SEM1: variants seen among roughly 807,000 people sequenced by gnomAD.
SEM1 encodes 26S proteasome complex subunit SEM1.
SEM1 carries 3 observed loss-of-function variants against 12.7 expected under a neutral mutation model. The ratio of observed to expected loss-of-function variants is 0.24; its 90% confidence interval spans 0.11 to 0.61. SEM1 has a LOEUF of 0.61. Ranked by LOEUF, SEM1 falls within the 20% of genes least tolerant of loss-of-function variation. The probability of loss-of-function intolerance (pLI) is 0.88; values close to 1 mark genes in which losing one functional copy is unlikely to be tolerated. For synonymous variants in SEM1, 30 were observed against 27.8 expected, an observed-to-expected ratio of 1.08 and a Z score of -0.25; for missense variants, 59 against 81.3, an observed-to-expected ratio of 0.73 and a Z score of 1.06.
intron 2 of SEM1, among the ~76,000 whole-genome samples, chr7:96,565,207 A>C (rs1805808987): frequency 6.6e-6 from 1 of 151,922 alleles, no homozygotes. Flanking sequence ...TCAAAGATAA[A>C]TTTGGTTTTT....
At chr7:96,533,578 G>A (rs907368251) in intron 2 of SEM1, among the ~76,000 whole-genome samples, 17 of 152,008 alleles carry the variant, frequency 1.1e-4, no homozygotes, top group Non-Finnish European at 2.1e-4. Context: ...ATAAGCTTGT[G>A]AAGGTAGCAG....
chr7:96,558,333 A>C (rs1374316137), intron 2 of SEM1: 1 of 152,290 alleles, frequency 6.6e-6, no homozygotes, highest in Non-Finnish European at 1.5e-5. Context: ...AGTTGGGTAA[A>C]CCAATGGGTG....
chr7:96,514,407 G>A (rs745625525), intron 2 of SEM1, among the ~76,000 whole-genome samples: 1 of 151,984 alleles, frequency 6.6e-6, no homozygotes, highest in Non-Finnish European at 1.5e-5. Context: ...CATACTGGAA[G>A]TTCTAGATAA....
At chr7:96,500,257 A>C (rs1447701299), upstream of SEM1, among the ~76,000 whole-genome samples, 3 of 151,612 alleles carry the variant, frequency 2.0e-5, no homozygotes, top group Non-Finnish European at 4.4e-5. Flanking sequence ...TGGCCTGCTG[A>C]TCAGGCCTTA....
rs1802624717 is a variant in SEM1, at chr7:96,483,462, T to A, written c.*397A>T. 2.2e-5 allele frequency: 5 copies of A among 226,960 alleles called. No homozygotes were observed. The South Asian group carries it at 2.9e-4, about 13-fold the overall frequency. 14.1% of individuals were successfully genotyped at this position (226,960 alleles called of 1,614,324 possible). A position where few individuals can be genotyped will look rare whatever the true frequency, so the allele number is the denominator to read the frequency against. On this transcript the variant is annotated 3_prime_UTR_variant, in exon 4 of 4. Coordinates refer to the SEM1 transcript ENST00000356686. ...TTTGTTAGGATGGGTAAGGTTGTGCTGCAGTAGCAACAAACCATCAAACCT... is the reference window on the plus strand; with the variant it reads ...TTTGTTAGGATGGGTAAGGTTGTGCAGCAGTAGCAACAAACCATCAAACCT...
At chr7:96,594,297 C>A (rs1459233421) in intron 2 of SEM1, among the ~76,000 whole-genome samples, 1 of 151,986 alleles carries the variant, frequency 6.6e-6, no homozygotes, top group Middle Eastern at 3.2e-3. Flanking sequence ...TTTCCAAGAG[C>A]CATTTCTTCT....
chr7:96,492,229 C>T (rs1397381274), intron 1 of SEM1, among the ~76,000 whole-genome samples: 1 of 152,124 alleles, frequency 6.6e-6, no homozygotes, highest in Non-Finnish European at 1.5e-5. Flanking sequence ...CAATAACTCT[C>T]CATTCCCCTC....
At chr7:96,708,749 G>C (rs1252014890) in intron 1 of SEM1, among the ~76,000 whole-genome samples, 1 of 152,100 alleles carries the variant, frequency 6.6e-6, no homozygotes, top group African/African-American at 2.4e-5. Flanking sequence ...ACATCAGAAG[G>C]TTTCTTAACC....
At chr7:96,641,341 A>G (rs1390641347) in intron 2 of SEM1, among the ~76,000 whole-genome samples, 1 of 151,786 alleles carries the variant, frequency 6.6e-6, no homozygotes, top group Non-Finnish European at 1.5e-5. Context: ...ATTTTCTGAT[A>G]TAATTATTTT....
chr7:96,632,761 G>T (rs946103767), intron 2 of SEM1, among the ~76,000 whole-genome samples: 5 of 146,292 alleles, frequency 3.4e-5, no homozygotes, highest in Admixed American at 2.9e-4. Flanking sequence ...TCTTATGAAG[G>T]TGGTTTTTTT....
chr7:96,599,457 A>G (rs1807121608), intron 2 of SEM1, among the ~76,000 whole-genome samples: 1 of 152,228 alleles, frequency 6.6e-6, no homozygotes, highest in African/African-American at 2.4e-5. Context: ...CCATCTGCTT[A>G]TCGGCTACTT....
At chr7:96,546,140 A>G (rs933136661) in intron 2 of SEM1, among the ~76,000 whole-genome samples, 2 of 152,106 alleles carry the variant, frequency 1.3e-5, no homozygotes, top group African/African-American at 4.8e-5. Flanking sequence ...TGAATCTTGA[A>G]GCGATCAATG....
At chr7:96,557,843 G>A (rs556210719) in intron 2 of SEM1, among the ~76,000 whole-genome samples, 9 of 152,224 alleles carry the variant, frequency 5.9e-5, no homozygotes, top group South Asian at 2.1e-4. Flanking sequence ...AATCAGCCAG[G>A]CTCCGTGGGC....
At chr7:96,484,779 C>A (rs1023634322) in intron 3 of SEM1, 2 of 1,197,612 alleles carry the variant, frequency 1.7e-6, no homozygotes, top group African/African-American at 3.1e-5. Context: ...TCTCACCATA[C>A]AGAAAAGTTA....
upstream of SEM1, among the ~76,000 whole-genome samples, chr7:96,496,608 A>T (rs571710663): frequency 1.3e-5 from 2 of 152,262 alleles, no homozygotes; most frequent in Non-Finnish European, 2.9e-5. Context: ...AAGAAAAAAA[A>T]TACTGCTTTC....
chr7:96,579,134 A>G lies in SEM1; in HGVS notation c.171-72436T>C, dbSNP rs116002690. On this transcript the variant is annotated intron_variant and NMD_transcript_variant, in intron 2 of 3. Transcript: ENST00000466986. ...ATCATCATTGAATTTTTATTTTTCT[A>G]ACTACCATGATGAGATTCCAAGTTT... Among the ~76,000 whole-genome samples the G allele has an allele frequency of 8.7e-3, 1,323 of 152,324 alleles. 20 individuals carry two copies. Among genetic ancestry groups the G allele is most frequent in the African/African-American group, 0.03 (1,233 of 41,580 alleles).
At chr7:96,690,089 A>G (rs1181007334) in intron 2 of SEM1, among the ~76,000 whole-genome samples, 5 of 152,212 alleles carry the variant, frequency 3.3e-5, no homozygotes, top group African/African-American at 1.2e-4. Flanking sequence ...AATGTTTCAT[A>G]CAAAAACTCT....
At chr7:96,705,590 G>A (rs866307364) in intron 1 of SEM1, among the ~76,000 whole-genome samples, 12 of 152,128 alleles carry the variant, frequency 7.9e-5, no homozygotes, top group Admixed American at 1.3e-4. Flanking sequence ...CACTTTGGGA[G>A]GCCGAGGCGG....
Position 96,580,094 on chromosome 7 carries a change from T to A in SEM1, c.171-73396A>T, listed in dbSNP as rs547466055. Among the ~76,000 whole-genome samples the A allele has an allele frequency of 4.6e-3, 674 of 147,318 alleles. 7 individuals carry two copies. Among genetic ancestry groups the A allele is most frequent in the African/African-American group, 0.016 (643 of 39,984 alleles). ...CTAACTCGTCATCTAGCATTAGGTA[T>A]ATCTCCCAATGCTATCCCTCCCCCC... On this transcript the variant is annotated intron_variant and NMD_transcript_variant, in intron 2 of 3. Coordinates refer to the SEM1 transcript ENST00000466986.
Sources: allele counts gnomAD v4.1 joint callset (sites outside exome capture counted in the v4.1 genomes callset), GRCh38; gene constraint gnomAD v4.1.1; transcripts MANE v1.5; gene names NCBI Gene and HGNC (gene_info 2026-07-23, HGNC 2026-07-21).